The following TRPS1 variants were observed in gnomAD, a reference collection of about 807,000 sequenced individuals.
TRPS1 encodes transcriptional repressor GATA binding 1, also known as zinc finger transcription factor Trps1.
TRPS1 carries 6 observed loss-of-function variants against 101.2 expected under a neutral mutation model. The ratio of observed to expected loss-of-function variants is 0.06; its 90% CI spans 0.03 to 0.12. TRPS1 has a LOEUF of 0.12. Among genes scored for constraint, TRPS1 ranks in the 10% least tolerant of loss-of-function variants. The pLI is 1.00. For missense variants in TRPS1, 1,363 were observed against 1,567.0 expected, an observed-to-expected ratio of 0.87 and a Z score of 2.20; for synonymous variants, 578 against 589.8, an observed-to-expected ratio of 0.98 and a Z score of 0.29.
intron 5 of TRPS1, among the ~76,000 whole-genome samples, chr8:115,455,545 G>A (rs1351367240): frequency 6.6e-6 from 1 of 152,106 alleles, no homozygotes; most frequent in Non-Finnish European, 1.5e-5. Context: ...ACGCAGTTAA[G>A]ACAGTTTTAG....
At chr8:115,605,208 T>C (rs1435049409) in intron 3 of TRPS1, among the ~76,000 whole-genome samples, 2 of 152,210 alleles carry the variant, frequency 1.3e-5, no homozygotes, top group African/African-American at 4.8e-5. Context: ...CTCATTATGT[T>C]ATACACTGTA....
chr8:115,651,510 G>T (rs1257542218), intron 1 of TRPS1, among the ~76,000 whole-genome samples: 2 of 152,124 alleles, frequency 1.3e-5, no homozygotes, highest in Non-Finnish European at 2.9e-5. Context: ...CTTCCCCTAT[G>T]TTCCTATTTA....
chr8:115,614,901 C>T (rs1295455913), intron 3 of TRPS1, among the ~76,000 whole-genome samples: 3 of 151,970 alleles, frequency 2.0e-5, no homozygotes, highest in Non-Finnish European at 4.4e-5. Context: ...CCTGCTCAAA[C>T]GATTGTACTG....
chr8:115,624,105 C>T (rs942081037), intron 1 of TRPS1, among the ~76,000 whole-genome samples: 2 of 151,494 alleles, frequency 1.3e-5, no homozygotes, highest in Non-Finnish European at 3.0e-5. Context: ...CCAGCAAATG[C>T]TTTTATAGGG....
chr8:115,580,770 C>A (rs182329178), intron 5 of TRPS1, among the ~76,000 whole-genome samples: 1 of 151,960 alleles, frequency 6.6e-6, no homozygotes, highest in African/African-American at 2.4e-5. Context: ...TTGTTGTTGT[C>A]GTTTTTCAAG....
rs569571400 is a variant in TRPS1, at chr8:115,531,749, G to C, written c.2700+55252C>G. On this transcript the variant is annotated intron_variant, in intron 5 of 6. Transcript: ENST00000395715. The stretch of plus-strand genomic sequence containing the variant: ...TGAGAAGGGTTAAAAAAAACAAAGT[G>C]AAGAGCCTTGTTTGGGAGGAATAAC... Among the ~76,000 whole-genome samples the C allele has an allele frequency of 1.4e-4, 22 of 152,186 alleles. 1 individual carries two copies. Among genetic ancestry groups the C allele is most frequent in the African/African-American group, 4.8e-4 (20 of 41,536 alleles).
chr8:115,511,810 A>C (rs1025825356), intron 5 of TRPS1, among the ~76,000 whole-genome samples: 7 of 151,924 alleles, frequency 4.6e-5, no homozygotes, highest in Non-Finnish European at 8.8e-5. Context: ...AAAAAGATGG[A>C]TAAGACATAT....
Position 115,414,055 on chromosome 8 carries a change from G to C in TRPS1, c.3853C>G (p.Gln1285Glu), listed in dbSNP as rs759477744. Residue 1285 changes from glutamine (Q) to glutamate (E), a missense_variant, in exon 7 of 7, where the codon CAA (glutamine) becomes GAA (glutamate). Gln to Glu is a conservative substitution (Grantham distance 29). Transcript: ENST00000395715. The surrounding 1 kb of genome is among the most constrained non-coding windows in gnomAD (Gnocchi z 4.8). ...TTAGGTTTTCCATTTTTTTCCACTTGTGCATTGTTCCTATGCAGGCCCCTC... is the reference window on the plus strand; with the variant it reads ...TTAGGTTTTCCATTTTTTTCCACTTCTGCATTGTTCCTATGCAGGCCCCTC... The part of the protein sequence containing the change: ...IQRGLHRNNA[Q>E]VEKNGKPKE The C allele has an allele frequency of 3.7e-6, 6 of 1,612,820 alleles. No individual in the cohort carries two copies. Among genetic ancestry groups the C allele is most frequent in the Non-Finnish European group, 5.1e-6 (6 of 1,179,526 alleles).
chr8:115,421,573 G>A (rs1019968823), intron 5 of TRPS1, among the ~76,000 whole-genome samples: 3 of 152,108 alleles, frequency 2.0e-5, no homozygotes, highest in African/African-American at 7.2e-5. Flanking sequence ...AATTCAATAG[G>A]AGCAAGCTTG....
intron 3 of TRPS1, among the ~76,000 whole-genome samples, chr8:115,608,269 C>T (rs1818084963): frequency 6.6e-6 from 1 of 152,136 alleles, no homozygotes; most frequent in African/African-American, 2.4e-5. Flanking sequence ...TTGGTAAAGA[C>T]ATCCAAATTT....
At chr8:115,642,319 C>A (rs111316853) in intron 1 of TRPS1, among the ~76,000 whole-genome samples, 151,853 of 151,856 alleles carry the variant, frequency 1, 75,925 homozygotes, top group Middle Eastern at 1. Flanking sequence ...GATATGAATC[C>A]AACAGAAACA....
intron 1 of TRPS1, among the ~76,000 whole-genome samples, chr8:115,664,814 C>G (rs1279779481): frequency 6.6e-6 from 1 of 152,098 alleles, no homozygotes; most frequent in African/African-American, 2.4e-5. Flanking sequence ...TGCAGACTAC[C>G]ACACTAGCTG....
At chr8:115,581,355 C>T (rs4326410) in intron 5 of TRPS1, among the ~76,000 whole-genome samples, 105,650 of 151,942 alleles carry the variant, frequency 0.7, 38,127 homozygotes, top group African/African-American at 0.89. Context: ...CACTGTAGGA[C>T]GCCTGTACTT....
At chr8:115,603,760 T>G in intron 4 of TRPS1, 113 bp downstream of exon 4, 1 of 1,301,492 alleles carries the variant, frequency 7.7e-7, no homozygotes, top group East Asian at 2.5e-5. Flanking sequence ...CTCCTATAAC[T>G]TCCCCAAGTC....
intron 5 of TRPS1, among the ~76,000 whole-genome samples, chr8:115,443,250 A>C (rs1035022405): frequency 3.3e-5 from 5 of 152,298 alleles, no homozygotes; most frequent in Admixed American, 2.6e-4. Flanking sequence ...AGCCTGGGTG[A>C]CAGAGTGAGA....
intron 5 of TRPS1, among the ~76,000 whole-genome samples, chr8:115,538,801 G>A (rs1816383431): frequency 6.6e-6 from 1 of 152,160 alleles, no homozygotes; most frequent in Non-Finnish European, 1.5e-5. Flanking sequence ...ATTAATCTGA[G>A]ATTCAGAAAA....
At chr8:115,475,302 A>G (rs1411889002) in intron 5 of TRPS1, among the ~76,000 whole-genome samples, 1 of 121,310 alleles carries the variant, frequency 8.2e-6, no homozygotes, top group Non-Finnish European at 1.8e-5. Flanking sequence ...ATATATATAT[A>G]TATTTGTTAT....
intron 5 of TRPS1, among the ~76,000 whole-genome samples, chr8:115,454,872 A>G (rs1813977118): frequency 6.6e-6 from 1 of 152,134 alleles, no homozygotes; most frequent in African/African-American, 2.4e-5. Flanking sequence ...CAAATTTTTC[A>G]TAGTAATTCA....
At chr8:115,600,828 C>T (rs1441227494) in intron 4 of TRPS1, among the ~76,000 whole-genome samples, 1 of 151,952 alleles carries the variant, frequency 6.6e-6, no homozygotes, top group Non-Finnish European at 1.5e-5. Context: ...TAATAGAGAG[C>T]AGGTACACAG....
Sources: gnomAD v4.1 joint callset for allele counts (sites outside exome capture counted in the v4.1 genomes callset) on GRCh38, gnomAD v4.1.1 for gene constraint, Gnocchi (gnomAD v3.1) non-coding constraint, MANE v1.5 for transcripts, NCBI Gene and HGNC (gene_info 2026-07-23, HGNC 2026-07-21) for gene names.